OR2C3: variants seen among roughly 807,000 people sequenced by gnomAD.
OR2C3 encodes the protein olfactory receptor 2C3.
For missense variants in OR2C3, 425 were observed against 401.5 expected, an observed-to-expected ratio of 1.06 and a Z score of -0.50; for synonymous variants, 178 against 163.4, an observed-to-expected ratio of 1.09 and a Z score of -0.68.
At chr1:247,532,923 A>G (rs1020052323) in intron 2 of OR2C3, among the ~76,000 whole-genome samples, 2 of 152,290 alleles carry the variant, frequency 1.3e-5, no homozygotes, top group Middle Eastern at 3.4e-3. Context: ...CAAAATCCTT[A>G]GCACTGCTTT....
rs765110776 is a variant in OR2C3 at position 247,525,008 on chromosome 1, G to A, written c.*6541C>T. On this transcript the variant is annotated 3_prime_UTR_variant, in exon 3 of 3. Transcript: ENST00000641802. Reference sequence around the variant, plus strand: ...GGTAAGATTTGCAAGTAAAACTAAAGTTACTAACAAAATCAAATGTTAGTG... The same window carrying A: ...GGTAAGATTTGCAAGTAAAACTAAAATTACTAACAAAATCAAATGTTAGTG... 1.2e-4 allele frequency: 19 copies of A among 152,124 alleles called. No homozygotes were observed. Among genetic ancestry groups the A allele is most frequent in the South Asian group, 2.1e-4 (1 of 4,826 alleles). 9.4% of individuals were successfully genotyped at this position (152,124 alleles called of 1,614,324 possible).
Position 247,527,217 on chromosome 1 carries a change from C to T in OR2C3, c.*4332G>A. The stretch of plus-strand genomic sequence containing the variant: ...GTTATGGTCATCATTCTCCTCTGTG[C>T]CAAACAGGGGCTGATGGATGGTCAG... On this transcript the variant is annotated 3_prime_UTR_variant, in exon 3 of 3. Transcript: ENST00000641802. The surrounding 1 kb of genome is among the most constrained non-coding windows in gnomAD (Gnocchi z 4.6). 2.6e-6 allele frequency: 1 copy of T among 387,378 alleles called. No homozygotes were observed. Among genetic ancestry groups the T allele is most frequent in the Non-Finnish European group, 5.1e-6 (1 of 195,072 alleles). 24.0% of individuals were successfully genotyped at this position (387,378 alleles called of 1,614,324 possible).
Position 247,532,020 on chromosome 1 carries a change from G to C in OR2C3, c.492C>G (p.Thr164=). The C allele has an allele frequency of 6.2e-7, 1 of 1,614,122 alleles. No individual in the cohort carries two copies. Among genetic ancestry groups the C allele is most frequent in the Non-Finnish European group, 8.5e-7 (1 of 1,179,994 alleles). ...LTTSMVGSTL[T]MLLPLCGNNC... ...TGTTCCCACACAGCGGTAGGAGCAT[G>C]GTGAGCGTGGAGCCCACCATGCTGG... Residue 164 remains threonine (T), a synonymous_variant, in exon 3 of 3, where the codon ACC becomes ACG. Coordinates refer to ENST00000641802, the MANE Select transcript of OR2C3 (RefSeq NM_198074.6).
rs1572323108 is a variant in OR2C3, at chr1:247,533,715, A to G, written c.-238T>C. On this transcript the variant is annotated 5_prime_UTR_variant, in exon 2 of 3. Transcript: ENST00000641802. ...CATATGGCTTTGAACCTAAGCATAA[A>G]AATGGGAAGTTTCTCTTGTATCTTT... 6.6e-6 allele frequency: 1 copy of G among 152,338 alleles called. No homozygotes were observed. The highest frequency in any genetic ancestry group is 1.9e-4 in the East Asian group (1 of 5,180). 9.4% of individuals were successfully genotyped at this position (152,338 alleles called of 1,614,324 possible). A position where few individuals can be genotyped will look rare whatever the true frequency, so the allele number is the denominator to read the frequency against.
rs1218785598 is a variant in OR2C3 at position 247,533,699 on chromosome 1, T to A, written c.-222A>T. 1 of 152,258 alleles carries A rather than the reference T, an allele frequency of 6.6e-6. No individual in the cohort carries two copies. The highest frequency in any genetic ancestry group is 2.4e-5 in the African/African-American group (1 of 41,466). The allele number at this position is 152,258 out of a possible 1,614,324, so 9.4% of individuals were successfully genotyped here. ...TTTCTACATGGCTGTCCATATGGCTTTGAACCTAAGCATAAAAATGGGAAG... is the reference window on the plus strand; with the variant it reads ...TTTCTACATGGCTGTCCATATGGCTATGAACCTAAGCATAAAAATGGGAAG... On this transcript the variant is annotated 5_prime_UTR_variant, in exon 2 of 3. An upstream open reading frame in the 5' UTR gains an earlier in-frame stop. Transcript: ENST00000641802.
rs542134006 is a variant in OR2C3, at chr1:247,528,345, C to T, written c.*3204G>A. ...GTAATGATCAAATCAAGGTAATTAA[C>T]ATATCCATTACCTCAAACACTTGTC... On this transcript the variant is annotated 3_prime_UTR_variant, in exon 3 of 3. Transcript: ENST00000641802. 1 of 152,294 alleles carries T rather than the reference C, an allele frequency of 6.6e-6. No individual in the cohort carries two copies. The highest frequency in any genetic ancestry group is 6.5e-5 in the Admixed American group (1 of 15,296). The allele number at this position is 152,294 out of a possible 1,614,324, so 9.4% of individuals were successfully genotyped here. A position where few individuals can be genotyped will look rare whatever the true frequency, so the allele number is the denominator to read the frequency against.
rs1441411445 is a variant in OR2C3 at position 247,527,303 on chromosome 1, A to G, written c.*4246T>C. 2 of 292,290 alleles carry G rather than the reference A, an allele frequency of 6.8e-6. No homozygotes were observed. Among genetic ancestry groups the G allele is most frequent in the Non-Finnish European group, 1.4e-5 (2 of 148,030 alleles). 18.1% of individuals were successfully genotyped at this position (292,290 alleles called of 1,614,324 possible). A position where few individuals can be genotyped will look rare whatever the true frequency, so the allele number is the denominator to read the frequency against. ...GGTCTGCGTTGTCTGCTATCCCCAC[A>G]TAAACTGATGAGGACCTGCACTCCT... On this transcript the variant is annotated 3_prime_UTR_variant, in exon 3 of 3. Coordinates refer to ENST00000641802, the MANE Select transcript of OR2C3 (RefSeq NM_198074.6). This position sits in a 1 kb window ranked among gnomAD's most constrained non-coding sequence, Gnocchi z 4.6.
At chr1:247,532,635 A>G (rs118147664) in intron 2 of OR2C3, 95 bp from the exon 3 acceptor site, 3 of 970,872 alleles carry the variant, frequency 3.1e-6, no homozygotes, top group Admixed American at 2.8e-5. Context: ...ATTTTATGTT[A>G]TTCTTTTTTA....
At position 247,531,870 on chromosome 1, in the gene OR2C3, G is replaced by A. The variant is rs1666980512; in HGVS notation, c.642C>T (p.Leu214=). Residue 214 remains leucine (L), a synonymous_variant, in exon 3 of 3, where the codon CTC becomes CTT. Coordinates refer to ENST00000641802, the MANE Select transcript of OR2C3 (RefSeq NM_198074.6). ...SFVFVVLPLG[L]ILVSYGHIAR... ...CAATGTGGCCGTAAGAGACCAGGAT[G>A]AGCCCCAGAGGCAGGACAACAAAGA... 1 of 1,614,216 alleles carries A rather than the reference G, an allele frequency of 6.2e-7. No homozygotes were observed. Among genetic ancestry groups the A allele is most frequent in the Non-Finnish European group, 8.5e-7 (1 of 1,180,034 alleles).
In OR2C3 at chr1:247,533,015, G is replaced by A. The variant is rs115433242; in HGVS notation, c.-29-475C>T. 6.9e-3 allele frequency among the ~76,000 whole-genome samples: 1,043 copies of A among 152,208 alleles called. 10 individuals carry two copies. The highest frequency in any genetic ancestry group is 0.024 in the African/African-American group (984 of 41,512). ...TAAAGGGTTAGTCAGGTAGAGGGTG[G>A]TCATTCATGTGATGAACCACTGTAC... On this transcript the variant is annotated intron_variant, in intron 2 of 2. Transcript: ENST00000641802.
In OR2C3 at chr1:247,532,023, G is replaced by T. The variant is rs1314832938; in HGVS notation, c.489C>A (p.Leu163=). The T allele has an allele frequency of 5.6e-6, 9 of 1,614,002 alleles. No homozygotes were observed. The highest frequency in any genetic ancestry group is 7.6e-6 in the Non-Finnish European group (9 of 1,180,004). ...GLTTSMVGST[L]TMLLPLCGNN... is the part of the protein sequence containing the mutation. ...TCCCACACAGCGGTAGGAGCATGGT[G>T]AGCGTGGAGCCCACCATGCTGGTGG... Residue 163 remains leucine, a synonymous_variant, in exon 3 of 3, where the codon CTC becomes CTA. Coordinates refer to ENST00000641802, the MANE Select transcript of OR2C3 (RefSeq NM_198074.6).
intron 1 of OR2C3, among the ~76,000 whole-genome samples, chr1:247,535,682 T>C (rs1667191578): frequency 6.6e-6 from 1 of 152,170 alleles, no homozygotes; most frequent in South Asian, 2.1e-4. Context: ...AAAGAGATCT[T>C]TGTGGTGATC....
At position 247,529,443 on chromosome 1, in the gene OR2C3, A is replaced by G. The variant is rs1431338350; in HGVS notation, c.*2106T>C. The G allele has an allele frequency of 6.6e-5, 10 of 152,220 alleles. No homozygotes were observed. Among genetic ancestry groups the G allele is most frequent in the African/African-American group, 2.4e-4 (10 of 41,446 alleles). The allele number at this position is 152,220 out of a possible 1,614,324, so 9.4% of individuals were successfully genotyped here. On this transcript the variant is annotated 3_prime_UTR_variant, in exon 3 of 3. Transcript: ENST00000641802. ...GGCCTGCTGAAGGTTTAGTTATTGA[A>G]GCTGAGAAACAATACTGTGTAAATA...
Position 247,532,218 on chromosome 1 carries a change from A to G in OR2C3, c.294T>C (p.Cys98=). The G allele has an allele frequency of 6.2e-7, 1 of 1,614,164 alleles. No individual in the cohort carries two copies. Among genetic ancestry groups the G allele is most frequent in the Non-Finnish European group, 8.5e-7 (1 of 1,180,020 alleles). ...GPQKTISYGG[C]VVQFYISHWL... ...AATGGGAGATATAGAACTGGACCAC[A>G]CACCCTCCATAGCTTATGGTTTTCT... is the stretch of plus-strand genomic sequence containing the variant. The change falls in exon 3 of 3, where the codon TGT becomes TGC. Residue 98 remains cysteine, a synonymous_variant. Transcript: ENST00000641802.
At chr1:247,532,611 G>A in intron 2 of OR2C3, 71 bp from the exon 3 acceptor site, 1 of 1,115,358 alleles carries the variant, frequency 9.0e-7, no homozygotes, top group South Asian at 1.6e-5. Context: ...AACATTAAAA[G>A]TGTATTTTAG....
rs115381727 is a variant in OR2C3 at position 247,526,769 on chromosome 1, G to C, written c.*4780C>G. 4,528 of 360,504 alleles carry C rather than the reference G, an allele frequency of 0.013. 60 individuals carry two copies. Among genetic ancestry groups the C allele is most frequent in the Admixed American group, 0.051 (1,356 of 26,454 alleles). The allele number at this position is 360,504 out of a possible 1,614,324, so 22.3% of individuals were successfully genotyped here. A position where few individuals can be genotyped will look rare whatever the true frequency, so the allele number is the denominator to read the frequency against. On this transcript the variant is annotated 3_prime_UTR_variant, in exon 3 of 3. Coordinates refer to ENST00000641802, the MANE Select transcript of OR2C3 (RefSeq NM_198074.6). The surrounding 1 kb of genome is among the most constrained non-coding windows in gnomAD (Gnocchi z 4.8). Reference sequence around the variant, plus strand: ...TTGCTGCAAGAGGAATAAAAGAAAAGATGGAGCCTAGAAAATTCTGACATA... The same window carrying C: ...TTGCTGCAAGAGGAATAAAAGAAAACATGGAGCCTAGAAAATTCTGACATA...
chr1:247,531,780 G>A lies in OR2C3; in HGVS notation c.732C>T (p.Ser244=). ...GRRKAFNTCS[S]HVAVVSLFYG... The stretch of plus-strand genomic sequence containing the variant: ...AAAACAGAGACACCACAGCCACGTG[G>A]GAAGAACAGGTGTTGAATGCCTTTC... Residue 244 remains serine (S), a synonymous_variant, in exon 3 of 3, where the codon TCC becomes TCT. Transcript: ENST00000641802. 1 of 1,614,162 alleles carries A rather than the reference G, an allele frequency of 6.2e-7. No homozygotes were observed. The highest frequency in any genetic ancestry group is 8.5e-7 in the Non-Finnish European group (1 of 1,180,020).
In OR2C3 at chr1:247,531,664, G is replaced by C; in HGVS notation, c.848C>G (p.Thr283Ser). ...GTAAATAAGTGGGTTCAGCGCAGGA[G>C]TGACTACGGTGTAGAACAGAGCTAT... ...KFIALFYTVV[T>S]PALNPLIYTL... Residue 283 changes from threonine (T) to serine (S), a missense_variant, in exon 3 of 3, where the codon ACT becomes AGT. By Grantham distance (58) the Thr-to-Ser change is moderately conservative. Transcript: ENST00000641802. 6.2e-7 allele frequency: 1 copy of C among 1,614,200 alleles called. No homozygotes were observed. The highest frequency in any genetic ancestry group is 8.5e-7 in the Non-Finnish European group (1 of 1,180,040).
rs759872490 is a variant in OR2C3, at chr1:247,531,600, G to A, written c.912C>T (p.His304=). 6 of 1,614,122 alleles carry A rather than the reference G, an allele frequency of 3.7e-6. No individual in the cohort carries two copies. The highest frequency in any genetic ancestry group is 5.1e-6 in the Non-Finnish European group (6 of 1,179,990). The change falls in exon 3 of 3, where the codon CAC becomes CAT. Residue 304 remains histidine, a synonymous_variant. Transcript: ENST00000641802. ...RNTEVKSALR[H]MVLENCCGSA... Reference sequence around the variant, plus strand: ...AGCCACAGCAGTTCTCTAATACCATGTGCCGGAGGGCGCTCTTCACCTCCG... The same window carrying A: ...AGCCACAGCAGTTCTCTAATACCATATGCCGGAGGGCGCTCTTCACCTCCG...
Sources: gnomAD v4.1 joint callset for allele counts (sites outside exome capture counted in the v4.1 genomes callset) on GRCh38, gnomAD v4.1.1 for gene constraint, Gnocchi (gnomAD v3.1) non-coding constraint, MANE v1.5 for transcripts, NCBI Gene and HGNC (gene_info 2026-07-23, HGNC 2026-07-21) for gene names.